Variants in GIGYF2 observed in about 807,000 individuals in gnomAD.
GIGYF2 encodes GRB10-interacting GYF protein 2.
A neutral mutation model predicts 208.1 loss-of-function variants in GIGYF2; 25 were observed. The ratio of observed to expected loss-of-function variants is 0.12; its 90% CI spans 0.09 to 0.17. GIGYF2 has a LOEUF of 0.17. GIGYF2 is among the 10% of genes least tolerant of loss of function. GIGYF2 has a pLI of 1.00. For missense variants in GIGYF2, 1,302 were observed against 1,579.4 expected (o/e 0.82, Z 2.98); for synonymous variants, 534 against 543.8 (o/e 0.98, Z 0.25).
chr2:232,853,369 C>T (rs1047111214), intron 28 of GIGYF2, among the ~76,000 whole-genome samples: 3 of 152,146 alleles, frequency 2.0e-5, no homozygotes, highest in South Asian at 2.1e-4. Flanking sequence ...CTCCACCTCC[C>T]GGGTTCAAGT....
At chr2:232,778,614 A>T (rs1397985633) in intron 8 of GIGYF2, among the ~76,000 whole-genome samples, 1 of 152,158 alleles carries the variant, frequency 6.6e-6, no homozygotes, top group Non-Finnish European at 1.5e-5. Flanking sequence ...AATTGAGTCT[A>T]TAATATAAAG....
In GIGYF2 at chr2:232,708,229, G is replaced by A. The variant is rs927281291; in HGVS notation, c.-44+4740G>A. On this transcript the variant is annotated intron_variant, in intron 2 of 28. Coordinates refer to ENST00000373563, the MANE Select transcript of GIGYF2 (RefSeq NM_001103146.3). ...CCCGCCTTGGTCTCCCAAAGTGCTA[G>A]GATTACAGGCGTGAGCCTCCATGTC... is the stretch of plus-strand genomic sequence containing the variant. 2.6e-5 allele frequency among the ~76,000 whole-genome samples: 4 copies of A among 152,170 alleles called. No homozygotes were observed. The East Asian group carries it at 5.8e-4, about 22-fold the overall frequency.
In GIGYF2 at chr2:232,856,951, T is replaced by C. The variant is rs1690601728; in HGVS notation, c.*91T>C. 1.1e-6 allele frequency: 1 copy of C among 873,066 alleles called. No individual in the cohort carries two copies. Among genetic ancestry groups the C allele is most frequent in the African/African-American group, 1.6e-5 (1 of 61,038 alleles). 54.1% of individuals were successfully genotyped at this position (873,066 alleles called of 1,614,324 possible). The stretch of plus-strand genomic sequence containing the variant: ...CAACACTTACTCACCATTTACTCTT[T>C]ATCACTCTGCAACAAATCACAGAAC... On this transcript the variant is annotated 3_prime_UTR_variant, in exon 29 of 29. Coordinates refer to ENST00000373563, the MANE Select transcript of GIGYF2 (RefSeq NM_001103146.3).
Position 232,839,880 on chromosome 2 carries a change from C to G in GIGYF2, c.2798C>G (p.Ser933Cys). The G allele has an allele frequency of 6.2e-7, 1 of 1,613,992 alleles. No individual in the cohort carries two copies. Among genetic ancestry groups the G allele is most frequent in the Admixed American group, 1.7e-5 (1 of 60,024 alleles). Residue 933 changes from serine to cysteine, a missense_variant, in exon 23 of 29, where the codon TCC becomes TGC. Ser to Cys is a moderately radical substitution (Grantham distance 112). Coordinates refer to ENST00000373563, the MANE Select transcript of GIGYF2 (RefSeq NM_001103146.3). ...LPSSSTWGQQSNTTACQSQAT... is the reference protein window; with the variant it reads ...LPSSSTWGQQCNTTACQSQAT... The stretch of plus-strand genomic sequence containing the variant: ...TCTTCTTCAACGTGGGGCCAGCAGT[C>G]CAATACAACAGCATGTCAGTCCCAG...
intron 5 of GIGYF2, among the ~76,000 whole-genome samples, chr2:232,749,345 G>A (rs549827723): frequency 2.6e-5 from 4 of 152,186 alleles, no homozygotes; most frequent in Non-Finnish European, 5.9e-5. Context: ...GAGAGGAAGA[G>A]TGATTCTTGG....
At chr2:232,741,284 G>A (rs1282878167) in intron 3 of GIGYF2, among the ~76,000 whole-genome samples, 3 of 151,884 alleles carry the variant, frequency 2.0e-5, no homozygotes, top group Non-Finnish European at 2.9e-5. Context: ...TTCCTATATC[G>A]GGTCTGTCAC....
At chr2:232,742,786 C>G (rs1031671279) in intron 3 of GIGYF2, among the ~76,000 whole-genome samples, 4 of 152,150 alleles carry the variant, frequency 2.6e-5, no homozygotes, top group Admixed American at 2.6e-4. Context: ...GATTTTTAAT[C>G]CAGTGGCTGA....
intron 8 of GIGYF2, among the ~76,000 whole-genome samples, chr2:232,763,756 G>A (rs531158173): frequency 1.6e-4 from 25 of 151,946 alleles, no homozygotes; most frequent in Non-Finnish European, 3.2e-4. Context: ...GCTTGAACCC[G>A]GGAGGTGGAG....
At chr2:232,702,779 C>A (rs138697684) in intron 1 of GIGYF2, among the ~76,000 whole-genome samples, 2 of 152,032 alleles carry the variant, frequency 1.3e-5, no homozygotes, top group Non-Finnish European at 2.9e-5. Flanking sequence ...TGCTGTGATG[C>A]GGCTTTTGTT....
At chr2:232,847,133 T>A (rs535087772) in intron 26 of GIGYF2, among the ~76,000 whole-genome samples, 2 of 152,344 alleles carry the variant, frequency 1.3e-5, no homozygotes, top group South Asian at 4.1e-4. Context: ...TTCAGTGAAA[T>A]TAAACATGTG....
At chr2:232,791,584 A>G in intron 12 of GIGYF2, 138 bp downstream of exon 12, 1 of 771,758 alleles carries the variant, frequency 1.3e-6, no homozygotes, top group Non-Finnish European at 2.2e-6. Flanking sequence ...TTTACCAGTA[A>G]ACCCAGTCAA....
At chr2:232,812,947 G>A (rs1700778831) in intron 18 of GIGYF2, among the ~76,000 whole-genome samples, 1 of 151,402 alleles carries the variant, frequency 6.6e-6, no homozygotes, top group South Asian at 2.1e-4. Flanking sequence ...GCTGCAGTGA[G>A]CTATGATCAT....
Position 232,806,778 on chromosome 2 carries a change from A to G in GIGYF2, c.1806+121A>G. On this transcript the variant is annotated intron_variant, in intron 15 of 28. Coordinates refer to ENST00000373563, the MANE Select transcript of GIGYF2 (RefSeq NM_001103146.3). This position sits in a 1 kb window ranked among gnomAD's most constrained non-coding sequence, Gnocchi z 4.0. ...ATTGTAGTTCTTTGAAATTAATGGA[A>G]ATGGTAAGGGAAAGTCTGAATGGAA... is the stretch of plus-strand genomic sequence containing the variant. The G allele has an allele frequency of 1.2e-6, 1 of 812,732 alleles. No homozygotes were observed. Among genetic ancestry groups the G allele is most frequent in the Non-Finnish European group, 2.2e-6 (1 of 462,708 alleles). The allele number at this position is 812,732 out of a possible 1,614,324, so 50.3% of individuals were successfully genotyped here. A position where few individuals can be genotyped will look rare whatever the true frequency, so the allele number is the denominator to read the frequency against.
intron 8 of GIGYF2, among the ~76,000 whole-genome samples, chr2:232,763,956 G>A (rs550845390): frequency 7.4e-4 from 113 of 152,256 alleles, no homozygotes; most frequent in African/African-American, 1.1e-3. Context: ...CGGGATTACT[G>A]TAAATAAGAG....
chr2:232,697,639 C>T (rs2106233948), intron 1 of GIGYF2, among the ~76,000 whole-genome samples: 1 of 152,368 alleles, frequency 6.6e-6, no homozygotes. Context: ...GGCCCTGGCG[C>T]GTCACGGCCG....
chr2:232,733,393 T>C (rs1697592412), intron 2 of GIGYF2, among the ~76,000 whole-genome samples: 1 of 152,148 alleles, frequency 6.6e-6, no homozygotes, highest in East Asian at 1.9e-4. Context: ...TGGAGTCTGC[T>C]TGGTTGACAC....
chr2:232,735,201 G>T lies in GIGYF2; in HGVS notation c.4G>T (p.Ala2Ser). 1.9e-6 allele frequency: 3 copies of T among 1,605,494 alleles called. No individual in the cohort carries two copies. The highest frequency in any genetic ancestry group is 2.6e-6 in the Non-Finnish European group (3 of 1,172,180). M[A>S]AETQTLNFGP... ...TATTGTAAAAATACGGAAAAGAATG[G>T]CAGCGGAAACGCAGACACTGAACTT... is the stretch of plus-strand genomic sequence containing the variant. Residue 2 changes from alanine to serine, a missense_variant, in exon 3 of 29, where the codon GCA becomes TCA. Ala to Ser is a moderately conservative substitution (Grantham distance 99, BLOSUM62 1). Transcript: ENST00000373563.
At chr2:232,836,259 TCTAC>T (rs1276828958) in intron 22 of GIGYF2, among the ~76,000 whole-genome samples, 45 of 88,812 alleles carry the variant, frequency 5.1e-4, no homozygotes, top group African/African-American at 2.2e-3. Context: ...AAACCCCATC[TCTAC>T]ATATATATAT....
chr2:232,816,533 G>T (rs1700916131), intron 19 of GIGYF2, among the ~76,000 whole-genome samples: 1 of 152,176 alleles, frequency 6.6e-6, no homozygotes, highest in South Asian at 2.1e-4. Flanking sequence ...TGGTAACGTG[G>T]AGTGTGGAGG....
Sources: gnomAD v4.1 joint callset for allele counts (sites outside exome capture counted in the v4.1 genomes callset) on GRCh38, gnomAD v4.1.1 for gene constraint, Gnocchi (gnomAD v3.1) non-coding constraint, MANE v1.5 for transcripts, NCBI Gene and HGNC (gene_info 2026-07-23, HGNC 2026-07-21) for gene names.